The following KPNA6 variants were observed in gnomAD, a reference collection of about 807,000 sequenced individuals.
The protein encoded by KPNA6 is importin subunit alpha-7.
Under a neutral mutation model 72.0 loss-of-function variants are expected in KPNA6, and 9 were observed. That is an observed-to-expected ratio of 0.13 (90% CI 0.08 to 0.22). The LOEUF is 0.22. Ranked by LOEUF, KPNA6 falls within the 10% of genes least tolerant of loss-of-function variation. KPNA6 has a pLI of 1.00. For synonymous variants in KPNA6, 219 were observed against 242.1 expected (o/e 0.90, Z 0.89); for missense variants, 374 against 655.7 (o/e 0.57, Z 4.69).
chr1:32,166,980 A>G (rs1642351400), intron 11 of KPNA6, among the ~76,000 whole-genome samples, 189 bp from the exon 12 acceptor site: 1 of 152,158 alleles, frequency 6.6e-6, no homozygotes, highest in Non-Finnish European at 1.5e-5. Context: ...AGTGTGTACT[A>G]TTGGTCAAAG....
At chr1:32,131,648 A>G (rs572821907) in intron 1 of KPNA6, among the ~76,000 whole-genome samples, 32 of 151,632 alleles carry the variant, frequency 2.1e-4, no homozygotes, top group Non-Finnish European at 1.9e-4. Context: ...GTATGTGTAT[A>G]TATATATACA....
At chr1:32,136,438 T>C (rs1240593486) in intron 1 of KPNA6, among the ~76,000 whole-genome samples, 1 of 152,136 alleles carries the variant, frequency 6.6e-6, no homozygotes, top group East Asian at 1.9e-4. Flanking sequence ...ACTCCCAAAG[T>C]GCTGGGATTA....
intron 1 of KPNA6, among the ~76,000 whole-genome samples, chr1:32,128,387 T>TTTTATATATA (rs368301655): frequency 5.5e-5 from 4 of 72,170 alleles, no homozygotes; most frequent in African/African-American, 9.4e-5. Flanking sequence ...ATATATGTAT[T>TTTTATATATA]TATATATATA....
At chr1:32,126,869 A>G (rs1466151824) in intron 1 of KPNA6, among the ~76,000 whole-genome samples, 1 of 152,168 alleles carries the variant, frequency 6.6e-6, no homozygotes, top group African/African-American at 2.4e-5. Context: ...AAGAGAAAGA[A>G]CTGAGTGTTG....
At chr1:32,170,133 G>A (rs1426109716) in intron 13 of KPNA6, 73 bp downstream of exon 13, 9 of 1,387,280 alleles carry the variant, frequency 6.5e-6, no homozygotes, top group Non-Finnish European at 9.0e-6. Context: ...ATATGTTGGT[G>A]GTGGCGGAGT....
At chr1:32,136,138 T>G (rs1641731041) in intron 1 of KPNA6, among the ~76,000 whole-genome samples, 1 of 152,040 alleles carries the variant, frequency 6.6e-6, no homozygotes, top group Non-Finnish European at 1.5e-5. Flanking sequence ...AAACAAACAT[T>G]AAACAGTTGG....
chr1:32,131,580 T>C (rs1173752159), intron 1 of KPNA6, among the ~76,000 whole-genome samples: 2 of 151,642 alleles, frequency 1.3e-5, no homozygotes, highest in East Asian at 3.9e-4. Context: ...TATGTATGTG[T>C]ATATATATTT....
Position 32,170,861 on chromosome 1 carries a change from G to T in KPNA6, c.1578G>T (p.Gln526His). 1 of 1,614,208 alleles carries T rather than the reference G, an allele frequency of 6.2e-7. No homozygotes were observed. Among genetic ancestry groups the T allele is most frequent in the Non-Finnish European group, 8.5e-7 (1 of 1,180,028 alleles). Reference protein sequence around the residue: ...DETQQQFIFQQPEAPMEGFQL With the variant: ...DETQQQFIFQHPEAPMEGFQL ...CGCAACAGCAGTTCATCTTCCAGCAGCCTGAGGCCCCCATGGAGGGCTTCC... is the reference window on the plus strand; with the variant it reads ...CGCAACAGCAGTTCATCTTCCAGCATCCTGAGGCCCCCATGGAGGGCTTCC... The change falls in exon 14 of 14, where the codon CAG (glutamine) becomes CAT (histidine). Residue 526 changes from glutamine to histidine, a missense_variant. By Grantham distance (24) the Gln-to-His change is conservative. Transcript: ENST00000373625.
chr1:32,155,627 A>G (rs1447318527), intron 2 of KPNA6, among the ~76,000 whole-genome samples: 1 of 151,842 alleles, frequency 6.6e-6, no homozygotes, highest in Non-Finnish European at 1.5e-5. Flanking sequence ...CACCACGCCC[A>G]GCCTGAGACT....
At position 32,172,804 on chromosome 1, in the gene KPNA6, CT is replaced by C; in HGVS notation, c.*1914del. ...CAGAGGCATCCTGCTCCAAGCTCTG[CT>C]TTTCCTTCCTCTGAAACAATGCCAT... On this transcript the variant is annotated 3_prime_UTR_variant, in exon 14 of 14. Transcript: ENST00000373625. The C allele has an allele frequency of 3.3e-6, 1 of 300,414 alleles. No homozygotes were observed. The highest frequency in any genetic ancestry group is 6.1e-6 in the Non-Finnish European group (1 of 164,796). 18.6% of individuals were successfully genotyped at this position (300,414 alleles called of 1,614,324 possible). A position where few individuals can be genotyped will look rare whatever the true frequency, so the allele number is the denominator to read the frequency against.
In KPNA6 at chr1:32,170,987, C is replaced by G. The variant is rs1642425817; in HGVS notation, c.*93C>G. 1.8e-6 allele frequency: 2 copies of G among 1,094,486 alleles called. No homozygotes were observed. The allele number at this position is 1,094,486 out of a possible 1,614,324, so 67.8% of individuals were successfully genotyped here. A position where few individuals can be genotyped will look rare whatever the true frequency, so the allele number is the denominator to read the frequency against. ...GGCGGGAAACCAGTGTCCCCACCAT[C>G]AGCCACCACACACCTCTGCTGCCCT... On this transcript the variant is annotated 3_prime_UTR_variant, in exon 14 of 14. Coordinates refer to ENST00000373625, the MANE Select transcript of KPNA6 (RefSeq NM_012316.5).
chr1:32,108,729 A>G (rs1248808950), intron 1 of KPNA6, among the ~76,000 whole-genome samples: 1 of 152,218 alleles, frequency 6.6e-6, no homozygotes, highest in Non-Finnish European at 1.5e-5. Flanking sequence ...TTGGGCTCAG[A>G]GTGGCATCGC....
chr1:32,129,890 A>G (rs1641606315), intron 1 of KPNA6, among the ~76,000 whole-genome samples: 1 of 152,170 alleles, frequency 6.6e-6, no homozygotes, highest in East Asian at 1.9e-4. Context: ...CCTTCCAGGA[A>G]ACAACAAAGG....
In KPNA6 at chr1:32,175,031, T is replaced by G. The variant is rs1306547374; in HGVS notation, c.*4137T>G. On this transcript the variant is annotated 3_prime_UTR_variant, in exon 14 of 14. Coordinates refer to ENST00000373625, the MANE Select transcript of KPNA6 (RefSeq NM_012316.5). ...CATGTAGTGGGCACTAGCTGCTCTT[T>G]GGCCAAGGCCTTCATAAATGATTCA... 1 of 152,252 alleles carries G rather than the reference T, an allele frequency of 6.6e-6. No individual in the cohort carries two copies. The highest frequency in any genetic ancestry group is 1.9e-4 in the East Asian group (1 of 5,196). The allele number at this position is 152,252 out of a possible 1,614,324, so 9.4% of individuals were successfully genotyped here. A position where few individuals can be genotyped will look rare whatever the true frequency, so the allele number is the denominator to read the frequency against.
At chr1:32,117,480 T>G (rs868144628) in intron 1 of KPNA6, among the ~76,000 whole-genome samples, 46 of 149,814 alleles carry the variant, frequency 3.1e-4, no homozygotes, top group African/African-American at 1.0e-3. Context: ...CCCAATTTGT[T>G]TTTTTTTTTT....
rs766216535 is a variant in KPNA6 at position 32,163,286 on chromosome 1, C to T, written c.963C>T (p.Ile321=). The change falls in exon 10 of 14, where the codon ATC becomes ATT. Residue 321 remains isoleucine, a synonymous_variant. Coordinates refer to ENST00000373625, the MANE Select transcript of KPNA6 (RefSeq NM_012316.5). ...CTGCCCTGAGAGCCGTGGGTAACAT[C>T]GTCACTGGGGATGACATCCAGACCC... ...ASPALRAVGN[I]VTGDDIQTQV... 8 of 1,612,812 alleles carry T rather than the reference C, an allele frequency of 5.0e-6. No homozygotes were observed. The highest frequency in any genetic ancestry group is 6.8e-6 in the Non-Finnish European group (8 of 1,179,300).
intron 1 of KPNA6, among the ~76,000 whole-genome samples, chr1:32,122,419 C>T (rs1317707594): frequency 6.7e-6 from 1 of 150,252 alleles, no homozygotes; most frequent in South Asian, 2.1e-4. Flanking sequence ...GTGAATTTAG[C>T]ATCATGTACT....
chr1:32,158,590 T>C (rs534502840), intron 5 of KPNA6, among the ~76,000 whole-genome samples: 1 of 152,338 alleles, frequency 6.6e-6, no homozygotes, highest in East Asian at 1.9e-4. Flanking sequence ...TTATTGACTA[T>C]AGTCACCCTA....
intron 1 of KPNA6, among the ~76,000 whole-genome samples, chr1:32,148,458 T>C (rs946437995): frequency 6.6e-6 from 1 of 152,136 alleles, no homozygotes; most frequent in Admixed American, 6.5e-5. Flanking sequence ...TAGATTCATG[T>C]GTTTTATTTA....
Sources: allele counts gnomAD v4.1 joint callset (sites outside exome capture counted in the v4.1 genomes callset), GRCh38; gene constraint gnomAD v4.1.1; transcripts MANE v1.5; gene names NCBI Gene and HGNC (gene_info 2026-07-23, HGNC 2026-07-21).